The following RAI14 variants were observed in gnomAD, a reference collection of about 807,000 sequenced individuals.
RAI14 encodes the protein retinoic acid induced 14.
In RAI14, 45 loss-of-function variants were observed where a neutral mutation model predicts 115.4. That is an observed-to-expected ratio of 0.39 (90% CI 0.31 to 0.50). The LOEUF (loss-of-function observed/expected upper bound fraction) is 0.50. Ranked by LOEUF, RAI14 falls within the 20% of genes least tolerant of loss-of-function variation. The probability of loss-of-function intolerance (pLI) is 0.85; values close to 1 mark genes in which losing one functional copy is unlikely to be tolerated. For synonymous variants in RAI14, 371 were observed against 415.4 expected (o/e 0.89, Z 1.30); for missense variants, 939 against 1,131.2 (o/e 0.83, Z 2.44).
chr5:34,728,171 A>C (rs1213513048), intron 2 of RAI14, among the ~76,000 whole-genome samples: 1 of 152,032 alleles, frequency 6.6e-6, no homozygotes, highest in East Asian at 1.9e-4. Flanking sequence ...ATATTTACTC[A>C]ATGTCTGTAC....
intron 2 of RAI14, among the ~76,000 whole-genome samples, chr5:34,744,574 G>A (rs575615394): frequency 2.0e-5 from 3 of 152,232 alleles, no homozygotes; most frequent in East Asian, 3.9e-4. Context: ...GGGCATATGC[G>A]GGAGGCAGGA....
chr5:34,733,299 G>A (rs1196762973), intron 2 of RAI14: 2 of 152,184 alleles, frequency 1.3e-5, no homozygotes, highest in East Asian at 1.9e-4. Context: ...TGCTAAATAA[G>A]CGAATGAATG....
chr5:34,683,182 A>G (rs1447057110), intron 1 of RAI14, among the ~76,000 whole-genome samples: 2 of 152,054 alleles, frequency 1.3e-5, no homozygotes, highest in East Asian at 3.9e-4. Flanking sequence ...TAATAACTTT[A>G]CCCCAGCTAC....
At chr5:34,685,717 A>G (rs917918092) in intron 1 of RAI14, 1 of 152,216 alleles carries the variant, frequency 6.6e-6, no homozygotes, top group Admixed American at 6.5e-5. Context: ...CTTCTGTGAA[A>G]TGAGGCACTT....
chr5:34,754,390 C>A (rs139366144), intron 2 of RAI14, among the ~76,000 whole-genome samples: 1 of 152,076 alleles, frequency 6.6e-6, no homozygotes, highest in African/African-American at 2.4e-5. Flanking sequence ...ATTTTAAGAG[C>A]AAAACTCTTC....
chr5:34,659,399 C>T lies in RAI14; in HGVS notation c.-49+2924C>T, dbSNP rs578153659. ...CCTCCTGCCTCATCCTCCAAAGTGG[C>T]TGGGACCACAGGCACATGCCACCAT... is the stretch of plus-strand genomic sequence containing the variant. On this transcript the variant is annotated intron_variant, in intron 1 of 17. Coordinates refer to ENST00000265109, the MANE Select transcript of RAI14 (RefSeq NM_015577.3). Among the ~76,000 whole-genome samples, 6 of 152,290 alleles carry T rather than the reference C, an allele frequency of 3.9e-5. 1 individual carries two copies. The highest frequency in any genetic ancestry group is 1.3e-4 in the Admixed American group (2 of 15,302).
At chr5:34,780,105 A>G (rs895592654) in intron 3 of RAI14, among the ~76,000 whole-genome samples, 1 of 152,218 alleles carries the variant, frequency 6.6e-6, no homozygotes, top group Non-Finnish European at 1.5e-5. Flanking sequence ...CAAACCTGAC[A>G]AAAACAAGAA....
chr5:34,800,988 A>G (rs768329638), intron 4 of RAI14, among the ~76,000 whole-genome samples: 83 of 152,360 alleles, frequency 5.4e-4, no homozygotes, highest in Admixed American at 1.1e-3. Context: ...AAACAGTGGT[A>G]TAAGTGATGG....
At chr5:34,661,870 G>A (rs1040417160) in intron 1 of RAI14, among the ~76,000 whole-genome samples, 1 of 152,120 alleles carries the variant, frequency 6.6e-6, no homozygotes, top group Non-Finnish European at 1.5e-5. Flanking sequence ...GCTCTGTTCT[G>A]GAACTCCTGG....
At chr5:34,811,701 C>A in intron 8 of RAI14, 66 bp from the exon 9 acceptor site, 1 of 1,394,676 alleles carries the variant, frequency 7.2e-7, no homozygotes, top group Non-Finnish European at 9.7e-7. Context: ...TTTAAGACAA[C>A]TGATTTCCCA....
intron 7 of RAI14, among the ~76,000 whole-genome samples, chr5:34,809,245 C>A (rs7702657): frequency 6.6e-6 from 1 of 151,936 alleles, no homozygotes; most frequent in Non-Finnish European, 1.5e-5. Context: ...TATTATTTTC[C>A]CATCACTCTA....
intron 3 of RAI14, among the ~76,000 whole-genome samples, chr5:34,789,674 C>T (rs1303964920): frequency 1.3e-5 from 2 of 152,186 alleles, no homozygotes; most frequent in Admixed American, 1.3e-4. Flanking sequence ...TTGAAACAAT[C>T]CCTTTTATCA....
chr5:34,771,801 T>G (rs1750196352), intron 3 of RAI14, among the ~76,000 whole-genome samples: 1 of 152,132 alleles, frequency 6.6e-6, no homozygotes, highest in Non-Finnish European at 1.5e-5. Flanking sequence ...CTGAGAACAC[T>G]GTTTGCTTTT....
intron 3 of RAI14, among the ~76,000 whole-genome samples, chr5:34,768,780 G>A (rs532174276): frequency 6.6e-6 from 1 of 152,284 alleles, no homozygotes; most frequent in East Asian, 1.9e-4. Flanking sequence ...CTTGAGGTCA[G>A]AAGTTCAAGA....
intron 2 of RAI14, among the ~76,000 whole-genome samples, chr5:34,737,996 A>G (rs1312315212): frequency 6.6e-6 from 1 of 152,146 alleles, no homozygotes; most frequent in Non-Finnish European, 1.5e-5. Context: ...TCCTCAAAGA[A>G]CTTCTCTTCT....
rs1446312904 is a variant in RAI14, at chr5:34,665,113, ATGTGTATATATG to A, written c.-49+8640_-49+8651del. On this transcript the variant is annotated intron_variant, in intron 1 of 17. Transcript: ENST00000265109. ...TATGTGTATATATATGTGTATATAT[ATGTGTATATATG>A]TATGTGTATATATATACACATATAT... 8.4e-4 allele frequency among the ~76,000 whole-genome samples: 11 copies of A among 13,158 alleles called. 2 individuals carry two copies. Among genetic ancestry groups the A allele is most frequent in the South Asian group, 0.012 (1 of 86 alleles). The allele number at this position is 13,158 out of a possible 152,430, so 8.6% of individuals were successfully genotyped here.
At position 34,751,343 on chromosome 5, in the gene RAI14, A is replaced by G. The variant is rs79929642; in HGVS notation, c.37-6125A>G. Among the ~76,000 whole-genome samples, 140 of 151,648 alleles carry G rather than the reference A, an allele frequency of 9.2e-4. 1 individual carries two copies. The East Asian group carries it at 0.024, about 26-fold the overall frequency. The stretch of plus-strand genomic sequence containing the variant: ...TTTTAGTAGAGACGGGGGTTTCACC[A>G]TGTTGGTCAGGCTGGTCTCGAACTC... On this transcript the variant is annotated intron_variant, in intron 2 of 17. Transcript: ENST00000265109.
chr5:34,685,529 C>A (rs1294720411), intron 1 of RAI14, among the ~76,000 whole-genome samples: 2 of 151,136 alleles, frequency 1.3e-5, no homozygotes, highest in Non-Finnish European at 2.9e-5. Context: ...CTAAGAAATT[C>A]ATGTATCAAA....
At chr5:34,829,647 T>A in intron 16 of RAI14, 85 bp from the exon 17 acceptor site, 1 of 1,155,542 alleles carries the variant, frequency 8.7e-7, no homozygotes, top group Non-Finnish European at 1.2e-6. Context: ...GGGTAGCATT[T>A]GGCTGCAGCT....
Sources: allele counts gnomAD v4.1 joint callset (sites outside exome capture counted in the v4.1 genomes callset), GRCh38; gene constraint gnomAD v4.1.1; transcripts MANE v1.5; gene names NCBI Gene and HGNC (gene_info 2026-07-23, HGNC 2026-07-21).